Variants in DSE observed in about 807,000 individuals in gnomAD.
DSE encodes dermatan sulfate epimerase.
A neutral mutation model predicts 84.4 loss-of-function variants in DSE; 36 were observed. The observed-to-expected ratio is 0.43, with a 90% CI of 0.33 to 0.56. The LOEUF is 0.56. Ranked by LOEUF, DSE falls within the 20% of genes least tolerant of loss-of-function variation. DSE has a pLI of 0.06. For synonymous variants in DSE, 410 were observed against 430.1 expected, an observed-to-expected ratio of 0.95 and a Z score of 0.58; for missense variants, 862 against 1,169.6, an observed-to-expected ratio of 0.74 and a Z score of 3.84.
chr6:116,428,018 G>A lies in DSE; in HGVS notation c.670+1191G>A, dbSNP rs562957218. ...AGCCTGGCCAACATGGGGAAATCCC[G>A]TCTCTACTAAAAATACAAAAATTAG... is the stretch of plus-strand genomic sequence containing the variant. On this transcript the variant is annotated intron_variant, in intron 3 of 5. Transcript: ENST00000644252. Among the ~76,000 whole-genome samples the A allele has an allele frequency of 1.3e-4, 20 of 152,186 alleles. 1 individual carries two copies. In the South Asian group the frequency reaches 3.5e-3, roughly 27 times the overall value.
At chr6:116,308,052 A>G (rs965567592) in intron 2 of DSE, among the ~76,000 whole-genome samples, 1 of 152,216 alleles carries the variant, frequency 6.6e-6, no homozygotes, top group Non-Finnish European at 1.5e-5. Flanking sequence ...AGAGTATACC[A>G]TCACCATCCT....
At chr6:116,378,882 G>C (rs1464239421) in intron 1 of DSE, among the ~76,000 whole-genome samples, 1 of 151,916 alleles carries the variant, frequency 6.6e-6, no homozygotes, top group African/African-American at 2.4e-5. Flanking sequence ...GGATCTCAGT[G>C]GTTGCATGAA....
intron 1 of DSE, among the ~76,000 whole-genome samples, chr6:116,382,664 A>G (rs1368000710): frequency 6.6e-6 from 1 of 152,210 alleles, no homozygotes; most frequent in Admixed American, 6.6e-5. Context: ...AAAGGAAGAA[A>G]TGAATGCTTG....
intron 2 of DSE, among the ~76,000 whole-genome samples, chr6:116,289,617 G>A (rs1188111889): frequency 6.6e-6 from 1 of 151,708 alleles, no homozygotes; most frequent in Admixed American, 6.6e-5. Context: ...AGAACAACTA[G>A]ACCTTCATGA....
chr6:116,436,666 C>G lies in DSE; in HGVS notation c.2198C>G (p.Pro733Arg), dbSNP rs1248260501. ...RNSAIKSSIV[P>R]EVKDYAAIVE... is the part of the protein sequence containing the mutation. ...TCAGCCATCAAGAGCAGCATTGTCC[C>G]TGAGGTGAAGGACTATGCTGCTATT... Residue 733 changes from proline (P) to arginine (R), a missense_variant, in exon 6 of 6, where the codon CCT (proline) becomes CGT (arginine). Pro to Arg is a moderately radical substitution (Grantham distance 103, BLOSUM62 -2). Around this residue, in one of 4 missense-constraint regions of DSE, gnomAD observed 315 missense variants for 348.1 expected, o/e 0.90. Coordinates refer to ENST00000644252, the MANE Select transcript of DSE (RefSeq NM_013352.4). 14 of 1,614,162 alleles carry G rather than the reference C, an allele frequency of 8.7e-6. No individual in the cohort carries two copies. The highest frequency in any genetic ancestry group is 5.0e-5 in the Admixed American group (3 of 60,024).
intron 1 of DSE, among the ~76,000 whole-genome samples, chr6:116,395,543 A>G (rs1781198664): frequency 6.6e-6 from 1 of 152,002 alleles, no homozygotes; most frequent in South Asian, 2.1e-4. Flanking sequence ...TTCAGGTACC[A>G]CCTTCAACAA....
intron 4 of DSE, 89 bp downstream of exon 4, chr6:116,431,282 G>A: frequency 6.7e-7 from 1 of 1,494,140 alleles, no homozygotes; most frequent in Non-Finnish European, 9.0e-7. Flanking sequence ...AGAGAAATTA[G>A]GTCCTTAGAG....
At chr6:116,303,968 T>A (rs1270643060) in intron 2 of DSE, among the ~76,000 whole-genome samples, 1 of 151,570 alleles carries the variant, frequency 6.6e-6, no homozygotes, top group South Asian at 2.1e-4. Flanking sequence ...ACCCCGTCTG[T>A]ACTAAAAATA....
chr6:116,329,381 G>A (rs1338325381), intron 2 of DSE, among the ~76,000 whole-genome samples: 3 of 152,172 alleles, frequency 2.0e-5, no homozygotes, highest in African/African-American at 7.2e-5. Context: ...ACAAGCTTTG[G>A]AGAATTTTAC....
chr6:116,363,341 T>C (rs1004148398), intron 2 of DSE, among the ~76,000 whole-genome samples: 1 of 151,176 alleles, frequency 6.6e-6, no homozygotes, highest in African/African-American at 2.5e-5. Context: ...GAAAGTGAGA[T>C]TTTAAAATAT....
At chr6:116,351,851 AC>A (rs1778327806) in intron 2 of DSE, among the ~76,000 whole-genome samples, 1 of 152,216 alleles carries the variant, frequency 6.6e-6, no homozygotes, top group Admixed American at 6.5e-5. Flanking sequence ...TCCCTGGTGA[AC>A]TATGAATAGT....
chr6:116,261,708 C>G (rs773999719), intron 2 of DSE, among the ~76,000 whole-genome samples: 22 of 152,220 alleles, frequency 1.4e-4, no homozygotes, highest in Admixed American at 7.8e-4. Context: ...CAGCTTTTGC[C>G]TATTCATTAT....
intron 2 of DSE, among the ~76,000 whole-genome samples, chr6:116,407,805 A>G (rs1294574762): frequency 2.6e-5 from 4 of 152,232 alleles, no homozygotes; most frequent in Admixed American, 2.6e-4. Context: ...TCCAGAGCTT[A>G]GAGATTTTTT....
At chr6:116,355,949 C>T (rs554023854) in intron 2 of DSE, 2 of 152,244 alleles carry the variant, frequency 1.3e-5, no homozygotes, top group African/African-American at 4.8e-5. Flanking sequence ...TTCCAGCTCA[C>T]ATACTAGACA....
intron 2 of DSE, chr6:116,279,463 T>C (rs1034648999): frequency 2.5e-6 from 4 of 1,612,812 alleles, no homozygotes; most frequent in South Asian, 2.2e-5. Context: ...CTGAACGCCC[T>C]TTTTCAGGCT....
At chr6:116,266,332 G>A (rs1477668975) in intron 2 of DSE, among the ~76,000 whole-genome samples, 1 of 152,100 alleles carries the variant, frequency 6.6e-6, no homozygotes, top group Non-Finnish European at 1.5e-5. Context: ...AGCCATTTGA[G>A]GAAGGAAAAT....
chr6:116,403,767 A>G (rs1781747160), intron 2 of DSE, among the ~76,000 whole-genome samples: 1 of 152,190 alleles, frequency 6.6e-6, no homozygotes, highest in Non-Finnish European at 1.5e-5. Flanking sequence ...CTCTTGGCCC[A>G]AGGATCAGAA....
intron 2 of DSE, among the ~76,000 whole-genome samples, chr6:116,308,342 A>G (rs1014155178): frequency 4.6e-5 from 7 of 152,230 alleles, no homozygotes; most frequent in Admixed American, 2.6e-4. Flanking sequence ...AGAGATTTGT[A>G]AATCTCGTAA....
intron 2 of DSE, among the ~76,000 whole-genome samples, chr6:116,307,043 TACA>T (rs1451622430): frequency 6.6e-6 from 1 of 152,256 alleles, no homozygotes; most frequent in Admixed American, 6.5e-5. Context: ...TGTGTATTCA[TACA>T]ACTTTACACA....
Sources: gnomAD v4.1 joint callset for allele counts (sites outside exome capture counted in the v4.1 genomes callset) on GRCh38, gnomAD v4.1.1 for gene constraint, gnomAD v4.1.1 regional missense constraint, MANE v1.5 for transcripts, NCBI Gene and HGNC (gene_info 2026-07-23, HGNC 2026-07-21) for gene names.